Variants in TGFBR2 observed in about 807,000 individuals in gnomAD.
TGFBR2 encodes transforming growth factor beta receptor 2.
In TGFBR2, 18 loss-of-function variants were observed where a neutral mutation model predicts 49.0. That is an observed-to-expected ratio of 0.37 (90% CI 0.25 to 0.54). The LOEUF (loss-of-function observed/expected upper bound fraction) is 0.54. Ranked by LOEUF, TGFBR2 falls within the 20% of genes least tolerant of loss-of-function variation. TGFBR2 has a pLI of 0.85. For synonymous variants in TGFBR2, 282 were observed against 275.9 expected (o/e 1.02, Z -0.22); for missense variants, 525 against 722.6 (o/e 0.73, Z 3.13).
At chr3:30,661,149 A>G (rs910602292) in intron 3 of TGFBR2, among the ~76,000 whole-genome samples, 1 of 152,242 alleles carries the variant, frequency 6.6e-6, no homozygotes, top group Non-Finnish European at 1.5e-5. Context: ...TAATTCAGAC[A>G]GCCAGCCAGA....
intron 1 of TGFBR2, among the ~76,000 whole-genome samples, chr3:30,626,258 T>C (rs1559450308): frequency 6.6e-6 from 1 of 152,224 alleles, no homozygotes; most frequent in African/African-American, 2.4e-5. Flanking sequence ...CTGTTGACTT[T>C]AAATCCAGCA....
At chr3:30,615,157 C>T (rs1179518210) in intron 1 of TGFBR2, among the ~76,000 whole-genome samples, 1 of 152,122 alleles carries the variant, frequency 6.6e-6, no homozygotes, top group African/African-American at 2.4e-5. Flanking sequence ...AAAACAGGCA[C>T]TTTATTTGAA....
intron 1 of TGFBR2, among the ~76,000 whole-genome samples, chr3:30,636,151 ATGTATGTG>A (rs1283399704): frequency 4.0e-4 from 43 of 106,862 alleles, no homozygotes; most frequent in South Asian, 9.4e-4. Flanking sequence ...GAAAATATAT[ATGTATGTG>A]TGTGTGTGTG....
At chr3:30,677,307 A>G (rs556423224) in intron 5 of TGFBR2, among the ~76,000 whole-genome samples, 37 of 152,350 alleles carry the variant, frequency 2.4e-4, no homozygotes, top group African/African-American at 8.4e-4. Context: ...GGAACAGGAT[A>G]TGGTTTATTC....
intron 5 of TGFBR2, among the ~76,000 whole-genome samples, chr3:30,674,525 T>G (rs570382491): frequency 6.6e-6 from 1 of 152,348 alleles, no homozygotes; most frequent in African/African-American, 2.4e-5. Flanking sequence ...TTTAAATATC[T>G]GGCAAGAGAC....
At chr3:30,661,135 G>A (rs1699118709) in intron 3 of TGFBR2, among the ~76,000 whole-genome samples, 1 of 152,170 alleles carries the variant, frequency 6.6e-6, no homozygotes, top group Non-Finnish European at 1.5e-5. Flanking sequence ...CAGAGTACAA[G>A]GTGTAATTCA....
At chr3:30,662,762 TG>T (rs1449533757) in intron 3 of TGFBR2, among the ~76,000 whole-genome samples, 3 of 152,226 alleles carry the variant, frequency 2.0e-5, no homozygotes, top group Non-Finnish European at 4.4e-5. Flanking sequence ...ATTTTCTCAT[TG>T]GCTAGTGCTG....
At chr3:30,634,815 G>A (rs776958671) in intron 1 of TGFBR2, among the ~76,000 whole-genome samples, 5 of 152,262 alleles carry the variant, frequency 3.3e-5, no homozygotes, top group Non-Finnish European at 7.4e-5. Flanking sequence ...CAACTTTAAA[G>A]CACTTCTCAG....
At chr3:30,667,029 G>A (rs1699258992) in intron 3 of TGFBR2, among the ~76,000 whole-genome samples, 1 of 152,116 alleles carries the variant, frequency 6.6e-6, no homozygotes, top group Non-Finnish European at 1.5e-5. Flanking sequence ...ATCAGGCAAT[G>A]CTCATTGTAA....
chr3:30,633,099 T>C lies in TGFBR2; in HGVS notation c.95-11648T>C, dbSNP rs17025822. Reference sequence around the variant, plus strand: ...ACTTTTTGATGGAATATCTATTTCATTGTGGAGTATCAGGAAGGATGAGGG... The same window carrying C: ...ACTTTTTGATGGAATATCTATTTCACTGTGGAGTATCAGGAAGGATGAGGG... On this transcript the variant is annotated intron_variant, in intron 1 of 6. Transcript: ENST00000295754. Among the ~76,000 whole-genome samples, 638 of 152,326 alleles carry C rather than the reference T, an allele frequency of 4.2e-3. 1 individual carries two copies. Among genetic ancestry groups the C allele is most frequent in the South Asian group, 0.014 (68 of 4,832 alleles).
chr3:30,610,703 A>G (rs1369379596), intron 1 of TGFBR2, among the ~76,000 whole-genome samples: 2 of 152,212 alleles, frequency 1.3e-5, no homozygotes, highest in African/African-American at 4.8e-5. Flanking sequence ...TGAGGATTAA[A>G]TAAAATATTG....
intron 2 of TGFBR2, among the ~76,000 whole-genome samples, chr3:30,648,998 C>G (rs1322846243): frequency 6.6e-6 from 1 of 152,112 alleles, no homozygotes; most frequent in African/African-American, 2.4e-5. Context: ...TTCTAGCCTG[C>G]CTTCCGTTTT....
At chr3:30,631,193 A>C (rs1698430317) in intron 1 of TGFBR2, among the ~76,000 whole-genome samples, 1 of 151,982 alleles carries the variant, frequency 6.6e-6, no homozygotes, top group African/African-American at 2.4e-5. Context: ...GGCACGCACC[A>C]TCAAGCCCTA....
Position 30,679,813 on chromosome 3 carries a change from A to T in TGFBR2, c.1396+5567A>T, listed in dbSNP as rs116246756. On this transcript the variant is annotated intron_variant, in intron 5 of 6. Transcript: ENST00000295754. ...TCCTGGTATACTGCTAGCCTGGCCA[A>T]TGGAGAACGTATTTAAAATAGTAGC... Among the ~76,000 whole-genome samples, 379 of 152,306 alleles carry T rather than the reference A, an allele frequency of 2.5e-3. 2 individuals are homozygous for T. The highest frequency in any genetic ancestry group is 0.02 in the Middle Eastern group (6 of 294).
chr3:30,685,860 A>G (rs1161798699), intron 5 of TGFBR2, among the ~76,000 whole-genome samples: 1 of 152,232 alleles, frequency 6.6e-6, no homozygotes, highest in Non-Finnish European at 1.5e-5. Context: ...TGCAGCTGCT[A>G]CATAAGCCAA....
chr3:30,634,071 A>C (rs182020372), intron 1 of TGFBR2, among the ~76,000 whole-genome samples: 1 of 152,236 alleles, frequency 6.6e-6, no homozygotes, highest in East Asian at 1.9e-4. Flanking sequence ...TTCAGGTACC[A>C]GGCATGCACA....
Position 30,666,392 on chromosome 3 carries a change from T to C in TGFBR2, c.455-5246T>C, listed in dbSNP as rs757654232. The stretch of plus-strand genomic sequence containing the variant: ...TTCTCCTTCACATAAAACTTTTTAT[T>C]TCCTGGCAGGAAAAAGATGCATATT... On this transcript the variant is annotated intron_variant, in intron 3 of 6. Coordinates refer to ENST00000295754, the MANE Select transcript of TGFBR2 (RefSeq NM_003242.6). Among the ~76,000 whole-genome samples, 35 of 152,160 alleles carry C rather than the reference T, an allele frequency of 2.3e-4. 1 individual carries two copies. Among genetic ancestry groups the C allele is most frequent in the Admixed American group, 1.6e-3 (25 of 15,280 alleles).
chr3:30,634,425 C>T (rs1272585099), intron 1 of TGFBR2, among the ~76,000 whole-genome samples: 3 of 152,120 alleles, frequency 2.0e-5, no homozygotes, highest in East Asian at 1.9e-4. Flanking sequence ...AAAATCATTT[C>T]GTGCATTTTT....
Position 30,693,620 on chromosome 3 carries a change from T to G in TGFBR2, c.*2021T>G, listed in dbSNP as rs1054883228. 15 of 233,336 alleles carry G rather than the reference T, an allele frequency of 6.4e-5. No individual in the cohort carries two copies. Among genetic ancestry groups the G allele is most frequent in the Admixed American group, 3.4e-4 (6 of 17,746 alleles). The allele number at this position is 233,336 out of a possible 1,614,324, so 14.5% of individuals were successfully genotyped here. A position where few individuals can be genotyped will look rare whatever the true frequency, so the allele number is the denominator to read the frequency against. The stretch of plus-strand genomic sequence containing the variant: ...TGGGTGGGCTGAGAGTTAAAGACAG[T>G]GTGGCTGCAGTAGCATAGAGGCGCC... On this transcript the variant is annotated 3_prime_UTR_variant, in exon 7 of 7. Coordinates refer to ENST00000295754, the MANE Select transcript of TGFBR2 (RefSeq NM_003242.6).
Sources: allele counts gnomAD v4.1 joint callset (sites outside exome capture counted in the v4.1 genomes callset), GRCh38; gene constraint gnomAD v4.1.1; transcripts MANE v1.5; gene names NCBI Gene and HGNC (gene_info 2026-07-23, HGNC 2026-07-21).